Variants in CLCA4 observed in about 807,000 individuals in gnomAD.
The protein encoded by CLCA4 is calcium-activated chloride channel regulator 4.
In CLCA4, 69 loss-of-function variants were observed where a neutral mutation model predicts 78.9. The ratio of observed to expected loss-of-function variants is 0.87; its 90% CI spans 0.72 to 1.07. The LOEUF (loss-of-function observed/expected upper bound fraction) is 1.07. Among genes scored for constraint, CLCA4 ranks in the 50% least tolerant of loss-of-function variants. The probability of loss-of-function intolerance (pLI) is 0.00; values close to 1 mark genes in which losing one functional copy is unlikely to be tolerated. For synonymous variants in CLCA4, 362 were observed against 375.8 expected (o/e 0.96, Z 0.42); for missense variants, 1,133 against 1,095.8 (o/e 1.03, Z -0.48).
intron 1 of CLCA4, among the ~76,000 whole-genome samples, chr1:86,547,607 T>A (rs1649540139): frequency 6.6e-6 from 1 of 152,212 alleles, no homozygotes; most frequent in Non-Finnish European, 1.5e-5. Flanking sequence ...AAACTTCTCT[T>A]CATTTCCTTT....
chr1:86,572,094 A>G (rs1650365902), intron 8 of CLCA4, among the ~76,000 whole-genome samples: 2 of 151,998 alleles, frequency 1.3e-5, no homozygotes, highest in Non-Finnish European at 2.9e-5. Context: ...CCAATTTTCT[A>G]TCTGCTCATT....
intron 7 of CLCA4, among the ~76,000 whole-genome samples, chr1:86,570,243 A>T (rs1650310477): frequency 6.6e-6 from 1 of 151,940 alleles, no homozygotes; most frequent in African/African-American, 2.4e-5. Context: ...GTCACTGACA[A>T]TCTGTCATTT....
intron 6 of CLCA4, 115 bp downstream of exon 6, chr1:86,566,135 A>G (rs1176864474): frequency 1.3e-6 from 1 of 765,816 alleles, no homozygotes; most frequent in Non-Finnish European, 2.0e-6. Context: ...AAGTACCATC[A>G]CTGCCCATGA....
chr1:86,570,858 T>A (rs1570332601), intron 7 of CLCA4, among the ~76,000 whole-genome samples: 1 of 152,214 alleles, frequency 6.6e-6, no homozygotes, highest in East Asian at 1.9e-4. Context: ...CCCACCGAAT[T>A]CCTTTAAATA....
chr1:86,578,997 A>G (rs772606), intron 12 of CLCA4, among the ~76,000 whole-genome samples: 108,079 of 151,906 alleles, frequency 0.71, 38,814 homozygotes, highest in South Asian at 0.85. Flanking sequence ...GGGACCTAGC[A>G]CAAGTGGGTG....
chr1:86,574,735 A>C lies in CLCA4; in HGVS notation c.1663A>C (p.Ser555Arg), dbSNP rs577662404. Reference sequence around the variant, plus strand: ...TGCAACTTCCAAAATGGCCTATCTCAGTATTCCAGGAACTGCAAAGGTAAG... The same window carrying C: ...TGCAACTTCCAAAATGGCCTATCTCCGTATTCCAGGAACTGCAAAGGTAAG... ...VDATSKMAYL[S>R]IPGTAKVGTW... Residue 555 changes from serine to arginine, a missense_variant, in exon 10 of 14, where the codon AGT (serine) becomes CGT (arginine). Physicochemically the swap from Ser to Arg is moderately radical, Grantham distance 110 (BLOSUM62 -1). Transcript: ENST00000370563. 35 of 1,612,616 alleles carry C rather than the reference A, an allele frequency of 2.2e-5. 1 individual carries two copies. The South Asian group carries it at 3.6e-4, about 17-fold the overall frequency.
chr1:86,569,278 C>G (rs1010799840), intron 7 of CLCA4, among the ~76,000 whole-genome samples: 2 of 151,642 alleles, frequency 1.3e-5, no homozygotes, highest in African/African-American at 2.4e-5. Flanking sequence ...GCCAGTGGTT[C>G]AGATAGAAAA....
At chr1:86,573,190 A>G (rs2101814715) in intron 9 of CLCA4, among the ~76,000 whole-genome samples, 1 of 152,032 alleles carries the variant, frequency 6.6e-6, no homozygotes, top group East Asian at 1.9e-4. Context: ...CGGGGTGAAT[A>G]ATCATTGTCT....
intron 1 of CLCA4, among the ~76,000 whole-genome samples, chr1:86,555,178 G>C (rs1649799970): frequency 6.6e-6 from 1 of 152,138 alleles, no homozygotes; most frequent in African/African-American, 2.4e-5. Flanking sequence ...TCTGTTGATA[G>C]TTCCTTTTGC....
rs1402508379 is a variant in CLCA4 at position 86,560,355 on chromosome 1, C to T, written c.445C>T (p.Pro149Ser). 1 of 1,613,106 alleles carries T rather than the reference C, an allele frequency of 6.2e-7. No homozygotes were observed. Among genetic ancestry groups the T allele is most frequent in the Middle Eastern group, 1.7e-4 (1 of 6,056 alleles). ...AAAAAAACAAAATGAATATGGACCACCAGGTAGAAATTTTGGTTAAAAAAT... is the reference window on the plus strand; with the variant it reads ...AAAAAAACAAAATGAATATGGACCATCAGGTAGAAATTTTGGTTAAAAAAT... ...LGKKQNEYGP[P>S]GKLFVHEWAH... Residue 149 changes from proline (P) to serine (S), a missense_variant, in exon 3 of 14, where the codon CCA (proline) becomes TCA (serine). Physicochemically the swap from Pro to Ser is moderately conservative, Grantham distance 74. Transcript: ENST00000370563.
At position 86,563,623 on chromosome 1, in the gene CLCA4, T is replaced by C. The variant is rs747068130; in HGVS notation, c.449-38T>C. ...TAAAATATGATACAAAACGTGTCAC[T>C]TGGATTATGATCATGTATTTGAAAT... On this transcript the variant is annotated intron_variant, in intron 3 of 13. Transcript: ENST00000370563. The C allele has an allele frequency of 4.9e-6, 5 of 1,025,980 alleles. No individual in the cohort carries two copies. In the East Asian group the frequency reaches 7.6e-5, roughly 16 times the overall value. The allele number at this position is 1,025,980 out of a possible 1,614,324, so 63.6% of individuals were successfully genotyped here. A position where few individuals can be genotyped will look rare whatever the true frequency, so the allele number is the denominator to read the frequency against.
intron 1 of CLCA4, among the ~76,000 whole-genome samples, chr1:86,556,732 A>G (rs183877319): frequency 2.6e-4 from 40 of 152,222 alleles, no homozygotes; most frequent in African/African-American, 9.6e-4. Flanking sequence ...TCCCTCCTCA[A>G]ATTTTTGGAA....
intron 11 of CLCA4, 112 bp downstream of exon 11, chr1:86,575,711 G>GAGGAAGAGC: frequency 1.0e-6 from 1 of 994,816 alleles, no homozygotes; most frequent in Non-Finnish European, 1.5e-6. Context: ...GCAGATTAAG[G>GAGGAAGAGC]AGGAACAGCA....
At chr1:86,550,855 A>G (rs1326833810) in intron 1 of CLCA4, among the ~76,000 whole-genome samples, 2 of 146,998 alleles carry the variant, frequency 1.4e-5, no homozygotes, top group East Asian at 2.0e-4. Flanking sequence ...TTTTTGAGAC[A>G]GAATCTCGAT....
chr1:86,557,324 T>C (rs944226827), intron 1 of CLCA4, among the ~76,000 whole-genome samples: 5 of 152,166 alleles, frequency 3.3e-5, no homozygotes, highest in Non-Finnish European at 7.4e-5. Context: ...CGGATCTTTC[T>C]AACTTTTTGA....
intron 1 of CLCA4, among the ~76,000 whole-genome samples, chr1:86,552,016 C>T (rs1006741005): frequency 6.6e-6 from 1 of 152,036 alleles, no homozygotes; most frequent in African/African-American, 2.4e-5. Context: ...TACACTCACA[C>T]TGTTGACAAG....
At chr1:86,577,418 C>T (rs545277756) in intron 11 of CLCA4, among the ~76,000 whole-genome samples, 1 of 152,106 alleles carries the variant, frequency 6.6e-6, no homozygotes, top group South Asian at 2.1e-4. Flanking sequence ...GAAATGTGTA[C>T]CTCTAAAAAT....
At chr1:86,548,980 G>C (rs1305644904) in intron 1 of CLCA4, among the ~76,000 whole-genome samples, 1 of 152,136 alleles carries the variant, frequency 6.6e-6, no homozygotes, top group African/African-American at 2.4e-5. Flanking sequence ...ATTCTTTGTT[G>C]AATGTTTATG....
intron 3 of CLCA4, among the ~76,000 whole-genome samples, chr1:86,561,933 G>A (rs1368128204): frequency 6.6e-6 from 1 of 152,110 alleles, no homozygotes; most frequent in East Asian, 1.9e-4. Flanking sequence ...AAGGTTTTTG[G>A]ATAAATAACA....
Sources: gnomAD v4.1 joint callset for allele counts (sites outside exome capture counted in the v4.1 genomes callset) on GRCh38, gnomAD v4.1.1 for gene constraint, MANE v1.5 for transcripts, NCBI Gene and HGNC (gene_info 2026-07-23, HGNC 2026-07-21) for gene names.